MED17: variants seen among roughly 807,000 people sequenced by gnomAD.
The protein encoded by MED17 is mediator complex subunit 17, also known as mediator of RNA polymerase II transcription subunit 17.
MED17 carries 49 observed loss-of-function variants against 80.8 expected under a neutral mutation model. That is an observed-to-expected ratio of 0.61 (90% CI 0.48 to 0.77). The LOEUF is 0.77. Among genes scored for constraint, MED17 ranks in the 30% least tolerant of loss-of-function variants. The pLI is 0.00. For synonymous variants in MED17, 281 were observed against 280.4 expected (o/e 1.00, Z -0.02); for missense variants, 718 against 787.0 (o/e 0.91, Z 1.05).
chr11:93,786,957 A>G (rs1011730524), intron 1 of MED17, among the ~76,000 whole-genome samples: 1 of 152,184 alleles, frequency 6.6e-6, no homozygotes. Flanking sequence ...CATACCGTAC[A>G]TCCATGTTCC....
rs777239696 is a variant in MED17, at chr11:93,784,647, A to G, written c.134A>G (p.Gln45Arg). The G allele has an allele frequency of 1.9e-6, 3 of 1,573,280 alleles. No individual in the cohort carries two copies. Among genetic ancestry groups the G allele is most frequent in the Non-Finnish European group, 2.6e-6 (3 of 1,160,240 alleles). ...SMSQNLARLAQRIDFSQGSGS... is the reference protein window; with the variant it reads ...SMSQNLARLARRIDFSQGSGS... ...TCGCAGAATCTGGCGCGTCTGGCCC[A>G]GCGGATAGACTTCAGCCAGGGTTCG... Residue 45 changes from glutamine to arginine, a missense_variant, in exon 1 of 12, where the codon CAG becomes CGG. Coordinates refer to ENST00000251871, the MANE Select transcript of MED17 (RefSeq NM_004268.5).
At chr11:93,785,623 G>T (rs1943761085) in intron 1 of MED17, among the ~76,000 whole-genome samples, 1 of 152,160 alleles carries the variant, frequency 6.6e-6, no homozygotes, top group Non-Finnish European at 1.5e-5. Flanking sequence ...GAGGATTGAA[G>T]TGCCAAATGA....
chr11:93,803,997 G>GTATATA (rs1210736711), intron 9 of MED17, among the ~76,000 whole-genome samples: 1 of 7,836 alleles, frequency 1.3e-4, no homozygotes, highest in African/African-American at 2.9e-4. Context: ...ATATATGTGT[G>GTATATA]TGTATATATA....
At chr11:93,796,346 A>G in intron 6 of MED17, 64 bp from the exon 7 acceptor site, 2 of 1,379,962 alleles carry the variant, frequency 1.4e-6, no homozygotes, top group South Asian at 2.3e-5. Context: ...TACTTTATGA[A>G]GACAGTTTAT....
At chr11:93,804,981 T>G (rs1354186533) in intron 9 of MED17, among the ~76,000 whole-genome samples, 1 of 152,248 alleles carries the variant, frequency 6.6e-6, no homozygotes, top group African/African-American at 2.4e-5. Context: ...TTAATAAGGT[T>G]TAAAATATGT....
intron 1 of MED17, among the ~76,000 whole-genome samples, chr11:93,787,392 G>A (rs896970420): frequency 6.6e-6 from 1 of 151,888 alleles, no homozygotes. Flanking sequence ...CAGCCTGGGT[G>A]ACAGAGCAAG....
rs1384694721 is a variant in MED17, at chr11:93,790,278, T to C, written c.418-296T>C. 8.0e-6 allele frequency: 4 copies of C among 498,378 alleles called. No individual in the cohort carries two copies. The Admixed American group carries it at 9.7e-5, about 12-fold the overall frequency. The allele number at this position is 498,378 out of a possible 1,614,324, so 30.9% of individuals were successfully genotyped here. A position where few individuals can be genotyped will look rare whatever the true frequency, so the allele number is the denominator to read the frequency against. On this transcript the variant is annotated intron_variant, in intron 2 of 11. Coordinates refer to ENST00000251871, the MANE Select transcript of MED17 (RefSeq NM_004268.5). ...TGTACAGGATAGGGGGCTGGCAATATATAAGGAGAGGAATGGCAGTACATT... is the reference window on the plus strand; with the variant it reads ...TGTACAGGATAGGGGGCTGGCAATACATAAGGAGAGGAATGGCAGTACATT...
Position 93,796,398 on chromosome 11 carries a change from T to G in MED17, c.1013-12T>G, listed in dbSNP as rs1215843876. The G allele has an allele frequency of 5.6e-6, 9 of 1,608,080 alleles. No individual in the cohort carries two copies. Among genetic ancestry groups the G allele is most frequent in the African/African-American group, 2.7e-5 (2 of 74,820 alleles). ...GGTTATTTACATATGTCCTCCTTCT[T>G]TTTATAAATAGGCTTGCAGTTATCT... On this transcript the variant is annotated splice_polypyrimidine_tract_variant and intron_variant, in intron 6 of 11. Coordinates refer to ENST00000251871, the MANE Select transcript of MED17 (RefSeq NM_004268.5).
chr11:93,793,991 G>A lies in MED17; in HGVS notation c.815G>A (p.Gly272Asp). 2 of 1,613,930 alleles carry A rather than the reference G, an allele frequency of 1.2e-6. No homozygotes were observed. The highest frequency in any genetic ancestry group is 1.7e-6 in the Non-Finnish European group (2 of 1,179,968). ...QKQAPDIGDL[G>D]TVNLFKRPLP... is the part of the protein sequence containing the mutation. ...CAGGCTCCAGATATAGGTGACCTCG[G>A]CACAGTTAACCTCTTCAAACGACCT... Residue 272 changes from glycine (G) to aspartate (D), a missense_variant, in exon 5 of 12, where the codon GGC becomes GAC. Physicochemically the swap from Gly to Asp is moderately conservative, Grantham distance 94 (BLOSUM62 -1). Coordinates refer to ENST00000251871, the MANE Select transcript of MED17 (RefSeq NM_004268.5).
rs1046009406 is a variant in MED17, at chr11:93,814,282, G to A, written c.*2218G>A. The A allele has an allele frequency of 1.3e-5, 2 of 152,184 alleles. No homozygotes were observed. Among genetic ancestry groups the A allele is most frequent in the African/African-American group, 4.8e-5 (2 of 41,444 alleles). The allele number at this position is 152,184 out of a possible 1,614,324, so 9.4% of individuals were successfully genotyped here. On this transcript the variant is annotated 3_prime_UTR_variant, in exon 12 of 12. Transcript: ENST00000251871. ...AAGAATTGTAGAAACTAAAGCAAAT[G>A]TGTGGGAAAATGGTAGCTTAGTTGC... is the stretch of plus-strand genomic sequence containing the variant.
chr11:93,812,570 C>CT lies in MED17; in HGVS notation c.*507dup, dbSNP rs1184433508. On this transcript the variant is annotated 3_prime_UTR_variant, in exon 12 of 12. Coordinates refer to ENST00000251871, the MANE Select transcript of MED17 (RefSeq NM_004268.5). Reference sequence around the variant, plus strand: ...CCTTCTGTCTCAGCCTTCCGAGTAGCTGGGACCACAGGCATGCACAACCAC... The same window carrying CT: ...CCTTCTGTCTCAGCCTTCCGAGTAGCTTGGGACCACAGGCATGCACAACCAC... 3.5e-5 allele frequency: 6 copies of CT among 172,012 alleles called. No individual in the cohort carries two copies. The highest frequency in any genetic ancestry group is 1.4e-4 in the African/African-American group (6 of 42,020). The allele number at this position is 172,012 out of a possible 1,614,324, so 10.7% of individuals were successfully genotyped here.
Position 93,793,770 on chromosome 11 carries a change from A to G in MED17, c.680A>G (p.Asn227Ser). 3.1e-6 allele frequency: 5 copies of G among 1,593,566 alleles called. No homozygotes were observed. The highest frequency in any genetic ancestry group is 1.1e-5 in the South Asian group (1 of 90,604). Residue 227 changes from asparagine (N) to serine (S), a missense_variant, in exon 4 of 12, where the codon AAT (asparagine) becomes AGT (serine). Physicochemically the swap from Asn to Ser is conservative, Grantham distance 46. Coordinates refer to ENST00000251871, the MANE Select transcript of MED17 (RefSeq NM_004268.5). ...PHHGTFEVIK[N>S]TDLDLDKKIP... is the part of the protein sequence containing the mutation. Reference sequence around the variant, plus strand: ...CATGGTACATTTGAAGTAATAAAGAATACAGATCTCGATCTGGATAAAAAG... The same window carrying G: ...CATGGTACATTTGAAGTAATAAAGAGTACAGATCTCGATCTGGATAAAAAG...
chr11:93,800,721 G>T (rs1943953748), intron 8 of MED17: 1 of 152,100 alleles, frequency 6.6e-6, no homozygotes, highest in African/African-American at 2.4e-5. Context: ...ACTGTAACCT[G>T]GAACTGCTGG....
chr11:93,800,045 C>A (rs753506037), intron 8 of MED17, among the ~76,000 whole-genome samples: 2 of 152,144 alleles, frequency 1.3e-5, no homozygotes, highest in African/African-American at 2.4e-5. Flanking sequence ...GTAAATACTT[C>A]ATGATTTCTT....
intron 11 of MED17, chr11:93,810,816 ATCTGC>A (rs1944079374): frequency 6.6e-6 from 1 of 152,266 alleles, no homozygotes; most frequent in African/African-American, 2.4e-5. Flanking sequence ...TGTTTCTGAT[ATCTGC>A]TCTGACTACT....
intron 6 of MED17, 25 bp from the exon 7 acceptor site, chr11:93,796,385 A>G (rs1259421337): frequency 1.9e-6 from 3 of 1,595,458 alleles, no homozygotes; most frequent in African/African-American, 2.7e-5. Flanking sequence ...TTATTTACAT[A>G]TGTCCTCCTT....
At chr11:93,804,913 AAAAACTATATACAGG>A (rs1206104583) in intron 9 of MED17, among the ~76,000 whole-genome samples, 1 of 152,082 alleles carries the variant, frequency 6.6e-6, no homozygotes, top group Non-Finnish European at 1.5e-5. Flanking sequence ...ATCAATTAGG[AAAAACTATATACAGG>A]AAATGCTTTA....
intron 6 of MED17, chr11:93,795,357 CA>C (rs773348401): frequency 5.1e-6 from 2 of 390,382 alleles, no homozygotes; most frequent in Non-Finnish European, 9.4e-6. Flanking sequence ...TATTTAGCAA[CA>C]GTTGCTTTGA....
chr11:93,812,422 T>A lies in MED17; in HGVS notation c.*358T>A. Reference sequence around the variant, plus strand: ...TTAAAAAAATCTCCAAATACCTTTTTTTCCCCCCAAATACTTTCTAAACTT... The same window carrying A: ...TTAAAAAAATCTCCAAATACCTTTTATTCCCCCCAAATACTTTCTAAACTT... On this transcript the variant is annotated 3_prime_UTR_variant, in exon 12 of 12. Transcript: ENST00000251871. The A allele has an allele frequency of 2.1e-6, 1 of 481,072 alleles. No homozygotes were observed. Among genetic ancestry groups the A allele is most frequent in the Non-Finnish European group, 3.6e-6 (1 of 277,360 alleles). The allele number at this position is 481,072 out of a possible 1,614,324, so 29.8% of individuals were successfully genotyped here.
Sources: gnomAD v4.1 joint callset for allele counts (sites outside exome capture counted in the v4.1 genomes callset) on GRCh38, gnomAD v4.1.1 for gene constraint, MANE v1.5 for transcripts, NCBI Gene and HGNC (gene_info 2026-07-23, HGNC 2026-07-21) for gene names.